The following ARHGAP24 variants were observed in gnomAD, a reference collection of about 807,000 sequenced individuals.
The protein encoded by ARHGAP24 is rho GTPase-activating protein 24.
In ARHGAP24, 50 loss-of-function variants were observed where a neutral mutation model predicts 76.4. That is an observed-to-expected ratio of 0.65 (90% CI 0.52 to 0.83). The LOEUF (loss-of-function observed/expected upper bound fraction) is 0.83, where lower values mean the gene tolerates loss of function less well. Ranked by LOEUF, ARHGAP24 falls within the 40% of genes least tolerant of loss-of-function variation. The pLI is 0.00. For missense variants in ARHGAP24, 930 were observed against 914.2 expected, an observed-to-expected ratio of 1.02 and a Z score of -0.22; for synonymous variants, 345 against 323.3, an observed-to-expected ratio of 1.07 and a Z score of -0.72.
intron 1 of ARHGAP24, among the ~76,000 whole-genome samples, chr4:85,566,762 T>C (rs1726865169): frequency 6.6e-6 from 1 of 152,124 alleles, no homozygotes; most frequent in African/African-American, 2.4e-5. Context: ...ACTAAAGACA[T>C]AGCAATTTAG....
At chr4:85,767,178 C>T (rs1233146050) in intron 3 of ARHGAP24, among the ~76,000 whole-genome samples, 1 of 152,110 alleles carries the variant, frequency 6.6e-6, no homozygotes, top group Admixed American at 6.5e-5. Context: ...AATGCATCCC[C>T]ATTGTTAAGC....
chr4:85,644,038 T>G (rs1453321691), intron 2 of ARHGAP24, among the ~76,000 whole-genome samples: 2 of 152,170 alleles, frequency 1.3e-5, no homozygotes, highest in South Asian at 4.1e-4. Context: ...TGCAATAATA[T>G]AGTATGATTT....
chr4:85,534,445 G>A (rs1316664699), intron 1 of ARHGAP24, among the ~76,000 whole-genome samples: 1 of 152,184 alleles, frequency 6.6e-6, no homozygotes, highest in Non-Finnish European at 1.5e-5. Context: ...TTCGCCGCCT[G>A]CTCCAGCAGA....
intron 2 of ARHGAP24, among the ~76,000 whole-genome samples, chr4:85,612,844 C>A (rs1036543896): frequency 3.7e-5 from 5 of 136,378 alleles, no homozygotes; most frequent in African/African-American, 1.4e-4. Flanking sequence ...GTCACCCAGG[C>A]TGCTGGTGCA....
chr4:85,614,553 A>G (rs929747363), intron 2 of ARHGAP24, among the ~76,000 whole-genome samples: 1 of 152,078 alleles, frequency 6.6e-6, no homozygotes, highest in Admixed American at 6.6e-5. Context: ...GTTTTTATGA[A>G]TATTTGTTGT....
chr4:85,640,286 T>C (rs1721476804), intron 2 of ARHGAP24, among the ~76,000 whole-genome samples: 1 of 151,886 alleles, frequency 6.6e-6, no homozygotes. Flanking sequence ...GTTCCTCTCA[T>C]TTCTTCCTGT....
At chr4:85,537,678 T>C (rs925951916) in intron 1 of ARHGAP24, among the ~76,000 whole-genome samples, 1 of 152,188 alleles carries the variant, frequency 6.6e-6, no homozygotes. Context: ...CTGGCATCAC[T>C]AAGTAAGCTT....
At position 85,549,093 on chromosome 4, in the gene ARHGAP24, T is replaced by G. The variant is rs553807472; in HGVS notation, c.-20-21429T>G. ...ATTTGGGTTACTTCCAGTTTCTGGC[T>G]AATATAAATAAAACTACAATGAACA... On this transcript the variant is annotated intron_variant, in intron 1 of 9. Coordinates refer to ENST00000395184, the MANE Select transcript of ARHGAP24 (RefSeq NM_001025616.3). 7.9e-5 allele frequency among the ~76,000 whole-genome samples: 12 copies of G among 151,888 alleles called. No individual in the cohort carries two copies. In the South Asian group the frequency reaches 2.5e-3, roughly 32 times the overall value.
At chr4:85,946,713 G>C (rs1013373396) in intron 5 of ARHGAP24, among the ~76,000 whole-genome samples, 25 of 152,192 alleles carry the variant, frequency 1.6e-4, no homozygotes, top group African/African-American at 6.0e-4. Context: ...TACCACTTTT[G>C]CTTTACCCAG....
At chr4:85,798,629 T>G (rs1728460320) in intron 3 of ARHGAP24, among the ~76,000 whole-genome samples, 1 of 152,228 alleles carries the variant, frequency 6.6e-6, no homozygotes, top group African/African-American at 2.4e-5. Flanking sequence ...TTGCTCATTT[T>G]ACTATAGTTT....
intron 3 of ARHGAP24, among the ~76,000 whole-genome samples, chr4:85,872,737 A>G (rs1732612190): frequency 6.7e-6 from 1 of 150,194 alleles, no homozygotes; most frequent in Non-Finnish European, 1.5e-5. Flanking sequence ...AGCTGGGATT[A>G]CAAGCATACA....
chr4:85,939,432 T>C (rs552693196), intron 4 of ARHGAP24, among the ~76,000 whole-genome samples: 1 of 152,286 alleles, frequency 6.6e-6, no homozygotes, highest in South Asian at 2.1e-4. Context: ...GTAACTAACC[T>C]CAGACAAATT....
intron 1 of ARHGAP24, among the ~76,000 whole-genome samples, chr4:85,489,799 A>C (rs1723286022): frequency 1.3e-5 from 2 of 152,112 alleles, no homozygotes; most frequent in Admixed American, 6.5e-5. Context: ...CCAAGCAAGA[A>C]TAGGACAGCA....
At chr4:85,985,253 C>A (rs764545364) in intron 8 of ARHGAP24, among the ~76,000 whole-genome samples, 11 of 152,084 alleles carry the variant, frequency 7.2e-5, no homozygotes, top group Non-Finnish European at 1.3e-4. Flanking sequence ...CAATGATAGA[C>A]TGGATAAAGA....
At chr4:85,887,944 T>C (rs1361920733) in intron 3 of ARHGAP24, among the ~76,000 whole-genome samples, 1 of 152,198 alleles carries the variant, frequency 6.6e-6, no homozygotes, top group Non-Finnish European at 1.5e-5. Flanking sequence ...ATATCAAAGC[T>C]GGCATTTTCT....
intron 1 of ARHGAP24, among the ~76,000 whole-genome samples, chr4:85,536,317 C>T (rs999193472): frequency 2.0e-5 from 3 of 152,126 alleles, no homozygotes; most frequent in African/African-American, 7.2e-5. Flanking sequence ...TCAAAAACCA[C>T]TTCTGTGAGA....
chr4:85,899,106 A>G (rs1344048206), intron 3 of ARHGAP24, among the ~76,000 whole-genome samples: 1 of 152,226 alleles, frequency 6.6e-6, no homozygotes, highest in Non-Finnish European at 1.5e-5. Flanking sequence ...TAAAAAATTA[A>G]TCAGATACCT....
chr4:85,986,163 C>G (rs944022706), intron 8 of ARHGAP24, among the ~76,000 whole-genome samples: 2 of 152,016 alleles, frequency 1.3e-5, no homozygotes, highest in African/African-American at 4.8e-5. Flanking sequence ...TCTATACATT[C>G]CTTACCATTA....
At chr4:85,629,270 G>A (rs746122253) in intron 2 of ARHGAP24, among the ~76,000 whole-genome samples, 3 of 152,110 alleles carry the variant, frequency 2.0e-5, no homozygotes, top group Non-Finnish European at 2.9e-5. Flanking sequence ...CATGTAGCAT[G>A]TTATTGGCAT....
Sources: gnomAD v4.1 joint callset for allele counts (sites outside exome capture counted in the v4.1 genomes callset) on GRCh38, gnomAD v4.1.1 for gene constraint, MANE v1.5 for transcripts, NCBI Gene and HGNC (gene_info 2026-07-23, HGNC 2026-07-21) for gene names.